Variants in TNFRSF1A observed in about 807,000 individuals in gnomAD.
The protein encoded by TNFRSF1A is TNF receptor superfamily member 1A, also known as tumor necrosis factor receptor superfamily member 1A.
Under a neutral mutation model 41.6 loss-of-function variants are expected in TNFRSF1A, and 9 were observed. The ratio of observed to expected loss-of-function variants is 0.22; its 90% confidence interval spans 0.13 to 0.38. The LOEUF (loss-of-function observed/expected upper bound fraction) is 0.38, where lower values mean the gene tolerates loss of function less well. Ranked by LOEUF, TNFRSF1A falls within the 10% of genes least tolerant of loss-of-function variation. The probability of loss-of-function intolerance (pLI) is 1.00; values close to 1 mark genes in which losing one functional copy is unlikely to be tolerated. For synonymous variants in TNFRSF1A, 254 were observed against 248.6 expected (o/e 1.02, Z -0.21); for missense variants, 463 against 591.5 (o/e 0.78, Z 2.25).
At chr12:6,331,464 A>G (rs1339445823) in intron 5 of TNFRSF1A, 2 of 214,210 alleles carry the variant, frequency 9.3e-6, no homozygotes, top group Non-Finnish European at 1.9e-5. Context: ...GGGGTCAAAC[A>G]TGCATGTGAA....
Position 6,333,354 on chromosome 12 carries a change from G to C in TNFRSF1A, c.472+13C>G, listed in dbSNP as rs1264785046. On this transcript the variant is annotated intron_variant, in intron 4 of 9. Coordinates refer to ENST00000162749, the MANE Select transcript of TNFRSF1A (RefSeq NM_001065.4). This position sits in a 1 kb window ranked among gnomAD's most constrained non-coding sequence, Gnocchi z 6.3. ...GTGGGGAGAGGGCTTGGCCTCAGGAGAGCTGCGCTCACAGGAGAGGTGCAC... is the reference window on the plus strand; with the variant it reads ...GTGGGGAGAGGGCTTGGCCTCAGGACAGCTGCGCTCACAGGAGAGGTGCAC... 2.5e-6 allele frequency: 4 copies of C among 1,612,740 alleles called. No individual in the cohort carries two copies. Among genetic ancestry groups the C allele is most frequent in the Non-Finnish European group, 2.5e-6 (3 of 1,179,458 alleles).
Position 6,329,283 on chromosome 12 carries a change from T to C in TNFRSF1A, c.*29A>G, listed in dbSNP as rs774191369. 2 of 1,439,940 alleles carry C rather than the reference T, an allele frequency of 1.4e-6. No individual in the cohort carries two copies. Among genetic ancestry groups the C allele is most frequent in the East Asian group, 2.6e-5 (1 of 38,500 alleles). 89.2% of individuals were successfully genotyped at this position (1,439,940 alleles called of 1,614,324 possible). A position where few individuals can be genotyped will look rare whatever the true frequency, so the allele number is the denominator to read the frequency against. On this transcript the variant is annotated 3_prime_UTR_variant, in exon 10 of 10. Transcript: ENST00000162749. ...GTTGGAAGGCGATCTCGCAGGACGGTCCTTAGAGCTGCCCGCAGGGGCGCA... is the reference window on the plus strand; with the variant it reads ...GTTGGAAGGCGATCTCGCAGGACGGCCCTTAGAGCTGCCCGCAGGGGCGCA...
rs568887467 is a variant in TNFRSF1A at position 6,338,016 on chromosome 12, A to C, written c.39+3760T>G. On this transcript the variant is annotated intron_variant, in intron 1 of 9. Coordinates refer to ENST00000162749, the MANE Select transcript of TNFRSF1A (RefSeq NM_001065.4). ...AGACCATCCCCCCACCTCCCCACACACAAGCACACACACCCTTACTTAAGA... is the reference window on the plus strand; with the variant it reads ...AGACCATCCCCCCACCTCCCCACACCCAAGCACACACACCCTTACTTAAGA... Among the ~76,000 whole-genome samples the C allele has an allele frequency of 5.3e-5, 8 of 152,232 alleles. 1 individual carries two copies. The South Asian group carries it at 1.7e-3, about 32-fold the overall frequency.
chr12:6,331,185 T>C (rs750622533), intron 5 of TNFRSF1A: 2 of 522,682 alleles, frequency 3.8e-6, no homozygotes, highest in Non-Finnish European at 6.9e-6. Flanking sequence ...TTCCAGTTCA[T>C]TCCTTGGCTA....
chr12:6,331,687 T>C (rs1565467032), intron 5 of TNFRSF1A: 1 of 169,522 alleles, frequency 5.9e-6, no homozygotes, highest in Non-Finnish European at 1.3e-5. Context: ...GAGAACCACA[T>C]AGAATGGTAT....
chr12:6,329,460 C>A lies in TNFRSF1A; in HGVS notation c.1220G>T (p.Trp407Leu). The A allele has an allele frequency of 6.3e-7, 1 of 1,591,376 alleles. No homozygotes were observed. ...REAQYSMLAT[W>L]RRRTPRREAT... ...CTCGCGCCGCGGCGTGCGCCGCCTC[C>A]AGGTCGCCAGCATGCTGTATTGCGC... is the stretch of plus-strand genomic sequence containing the variant. The change falls in exon 10 of 10, where the codon TGG (tryptophan) becomes TTG (leucine). Residue 407 changes from tryptophan (W) to leucine (L), a missense_variant. This residue lies in a region of TNFRSF1A where 277 missense variants were observed against 288.8 expected (regional missense o/e 0.96). Transcript: ENST00000162749.
rs764355339 is a variant in TNFRSF1A at position 6,328,985 on chromosome 12, G to GA, written c.*326dup. 5.9e-4 allele frequency: 213 copies of GA among 362,504 alleles called. No homozygotes were observed. The Middle Eastern group carries it at 8.5e-3, about 14-fold the overall frequency. 22.5% of individuals were successfully genotyped at this position (362,504 alleles called of 1,614,324 possible). The stretch of plus-strand genomic sequence containing the variant: ...ACAAAAAAAACTGCTTATGCACTGT[G>GA]AAAAAGGCTCAGGGACGAACCAGGG... On this transcript the variant is annotated 3_prime_UTR_variant, in exon 10 of 10. Transcript: ENST00000162749.
At position 6,333,942 on chromosome 12, in the gene TNFRSF1A, G is replaced by T; in HGVS notation, c.194-77C>A. On this transcript the variant is annotated intron_variant, in intron 2 of 9. Coordinates refer to ENST00000162749, the MANE Select transcript of TNFRSF1A (RefSeq NM_001065.4). This position sits in a 1 kb window ranked among gnomAD's most constrained non-coding sequence, Gnocchi z 6.3. ...CCCCATGCTAGGGACAACAGCCAGG[G>T]CCGATTCCCTGAAGTCTCTAGGAGA... 6.2e-7 allele frequency: 1 copy of T among 1,605,334 alleles called. No homozygotes were observed.
chr12:6,329,852 G>A lies in TNFRSF1A; in HGVS notation c.983C>T (p.Ala328Val), dbSNP rs1345313448. The part of the protein sequence containing the change: ...YQGADPILAT[A>V]LASDPIPNPL... ...GTTGGGGATGGGGTCGGAGGCGAGGGCTGTCGCAAGGATGGGGTCAGCCCC... is the reference window on the plus strand; with the variant it reads ...GTTGGGGATGGGGTCGGAGGCGAGGACTGTCGCAAGGATGGGGTCAGCCCC... The change falls in exon 9 of 10, where the codon GCC becomes GTC. Residue 328 changes from alanine (A) to valine (V), a missense_variant. By Grantham distance (64) the Ala-to-Val change is moderately conservative. This residue lies in a region of TNFRSF1A where 277 missense variants were observed against 288.8 expected (regional missense o/e 0.96). Transcript: ENST00000162749. The A allele has an allele frequency of 3.7e-6, 6 of 1,600,680 alleles. No individual in the cohort carries two copies. The highest frequency in any genetic ancestry group is 5.1e-6 in the Non-Finnish European group (6 of 1,174,222).
chr12:6,329,751 T>C (rs1176366014), intron 9 of TNFRSF1A, 27 bp downstream of exon 9: 5 of 1,587,152 alleles, frequency 3.2e-6, no homozygotes, highest in Non-Finnish European at 1.7e-6. Flanking sequence ...CCCAGCCTCC[T>C]CGTCTCCAGC....
In TNFRSF1A at chr12:6,334,327, G is replaced by A; in HGVS notation, c.40-83C>T. ...GGGGTAGCAGATCTAAAACTTCCCT[G>A]GCTCAAGTCCTTCCTCAGTGAAACA... On this transcript the variant is annotated intron_variant, in intron 1 of 9. Coordinates refer to ENST00000162749, the MANE Select transcript of TNFRSF1A (RefSeq NM_001065.4). This position sits in a 1 kb window ranked among gnomAD's most constrained non-coding sequence, Gnocchi z 5.1. 1 of 1,271,340 alleles carries A rather than the reference G, an allele frequency of 7.9e-7. No individual in the cohort carries two copies. Among genetic ancestry groups the A allele is most frequent in the Non-Finnish European group, 1.1e-6 (1 of 895,726 alleles). 78.8% of individuals were successfully genotyped at this position (1,271,340 alleles called of 1,614,324 possible). A position where few individuals can be genotyped will look rare whatever the true frequency, so the allele number is the denominator to read the frequency against.
Position 6,329,630 on chromosome 12 carries a change from G to C in TNFRSF1A, c.1058-8C>G, listed in dbSNP as rs764636915. On this transcript the variant is annotated splice_polypyrimidine_tract_variant and splice_region_variant and intron_variant, in intron 9 of 9. Coordinates refer to ENST00000162749, the MANE Select transcript of TNFRSF1A (RefSeq NM_001065.4). ...GCGTCGCGGGGTCATCAGCTGCGGG[G>C]ACGCGGGCCGGTGAGCCTCGGGCGG... 2.4e-5 allele frequency: 38 copies of C among 1,590,708 alleles called. No homozygotes were observed. Among genetic ancestry groups the C allele is most frequent in the Non-Finnish European group, 2.8e-5 (33 of 1,172,084 alleles).
intron 1 of TNFRSF1A, among the ~76,000 whole-genome samples, chr12:6,340,519 G>A (rs1198397443): frequency 1.3e-5 from 2 of 152,184 alleles, no homozygotes; most frequent in Non-Finnish European, 1.5e-5. Flanking sequence ...GACTAAGGAG[G>A]CAGGAGGAGG....
At position 6,333,163 on chromosome 12, in the gene TNFRSF1A, C is replaced by T. The variant is rs104895251; in HGVS notation, c.473-16G>A. ...TTCTCCTGGCCTGTAGGGAGAAGTG[C>T]GGCACAGCTAAAGGAGAAGCGCCTG... On this transcript the variant is annotated splice_polypyrimidine_tract_variant and intron_variant, in intron 4 of 9. Transcript: ENST00000162749. This position sits in a 1 kb window ranked among gnomAD's most constrained non-coding sequence, Gnocchi z 6.3. 1.2e-4 allele frequency: 198 copies of T among 1,613,316 alleles called. No homozygotes were observed. The highest frequency in any genetic ancestry group is 3.3e-4 in the Middle Eastern group (2 of 6,062).
chr12:6,339,280 T>G (rs1023700516), intron 1 of TNFRSF1A, among the ~76,000 whole-genome samples: 1 of 152,172 alleles, frequency 6.6e-6, no homozygotes, highest in African/African-American at 2.4e-5. Context: ...CACATCCACT[T>G]TTCTATGAGG....
intron 8 of TNFRSF1A, 51 bp from the exon 9 acceptor site, chr12:6,330,117 C>A (rs754560416): frequency 1.2e-6 from 2 of 1,612,368 alleles, no homozygotes; most frequent in Admixed American, 1.7e-5. Context: ...AAACCAGCCC[C>A]GGCCCTCTTT....
Position 6,330,003 on chromosome 12 carries a change from C to A in TNFRSF1A, c.832G>T (p.Gly278Cys). Residue 278 changes from glycine to cysteine, a missense_variant, in exon 9 of 10, where the codon GGC (glycine) becomes TGC (cysteine). Around this residue, in one of 4 missense-constraint regions of TNFRSF1A, gnomAD observed 277 missense variants for 288.8 expected, o/e 0.96. Coordinates refer to ENST00000162749, the MANE Select transcript of TNFRSF1A (RefSeq NM_001065.4). ...APNPSFSPTP[G>C]FTPTLGFSPV... is the part of the protein sequence containing the mutation. Reference sequence around the variant, plus strand: ...CTGAAGCCCAGGGTGGGGGTGAAGCCTGGAGTGGGACTGAAGCTTGGGTTT... The same window carrying A: ...CTGAAGCCCAGGGTGGGGGTGAAGCATGGAGTGGGACTGAAGCTTGGGTTT... 1 of 1,605,480 alleles carries A rather than the reference C, an allele frequency of 6.2e-7. No homozygotes were observed. The highest frequency in any genetic ancestry group is 8.5e-7 in the Non-Finnish European group (1 of 1,175,438).
In TNFRSF1A at chr12:6,333,009, C is replaced by G; in HGVS notation, c.551+60G>C. The G allele has an allele frequency of 6.7e-7, 1 of 1,501,696 alleles. No individual in the cohort carries two copies. Among genetic ancestry groups the G allele is most frequent in the South Asian group, 1.1e-5 (1 of 88,692 alleles). The allele number at this position is 1,501,696 out of a possible 1,614,324, so 93.0% of individuals were successfully genotyped here. A position where few individuals can be genotyped will look rare whatever the true frequency, so the allele number is the denominator to read the frequency against. On this transcript the variant is annotated intron_variant, in intron 5 of 9. Coordinates refer to ENST00000162749, the MANE Select transcript of TNFRSF1A (RefSeq NM_001065.4). The surrounding 1 kb of genome is among the most constrained non-coding windows in gnomAD (Gnocchi z 6.3). Reference sequence around the variant, plus strand: ...CTGTTGCCCAGCTAATGGTTCCCACCAGTCACCCGTCCCAACCCATGCCAC... The same window carrying G: ...CTGTTGCCCAGCTAATGGTTCCCACGAGTCACCCGTCCCAACCCATGCCAC...
intron 1 of TNFRSF1A, among the ~76,000 whole-genome samples, chr12:6,340,355 G>A (rs546121208): frequency 1.2e-3 from 178 of 152,324 alleles, no homozygotes; most frequent in Non-Finnish European, 1.8e-3. Context: ...AGGCATGGAA[G>A]GTTAGGTTAT....
Sources: allele counts gnomAD v4.1 joint callset (sites outside exome capture counted in the v4.1 genomes callset), GRCh38; gene constraint gnomAD v4.1.1; regional missense constraint gnomAD v4.1.1; non-coding constraint Gnocchi (gnomAD v3.1); transcripts MANE v1.5; gene names NCBI Gene and HGNC (gene_info 2026-07-23, HGNC 2026-07-21).